AMPH: variants seen among roughly 807,000 people sequenced by gnomAD.
AMPH encodes the protein amphiphysin (Stiff-Mann syndrome with breast cancer 128kD autoantigen).
A neutral mutation model predicts 99.1 loss-of-function variants in AMPH; 49 were observed. That is an observed-to-expected ratio of 0.49 (90% CI 0.39 to 0.63). The LOEUF is 0.63. Ranked by LOEUF, AMPH falls within the 20% of genes least tolerant of loss-of-function variation. The pLI is 0.00. For missense variants in AMPH, 759 were observed against 863.4 expected, an observed-to-expected ratio of 0.88 and a Z score of 1.52; for synonymous variants, 314 against 317.3, an observed-to-expected ratio of 0.99 and a Z score of 0.11.
intron 1 of AMPH, among the ~76,000 whole-genome samples, chr7:38,620,368 G>GTC (rs1207115433): frequency 1.4e-5 from 2 of 147,440 alleles, no homozygotes; most frequent in African/African-American, 2.5e-5. Context: ...GTGTGTCTGT[G>GTC]TGTGTGTGTT....
intron 17 of AMPH, among the ~76,000 whole-genome samples, chr7:38,409,008 G>A (rs1198655721): frequency 6.6e-6 from 1 of 152,170 alleles, no homozygotes; most frequent in East Asian, 1.9e-4. Context: ...TGGCTGGAAG[G>A]ACCATAGGGC....
At chr7:38,415,422 A>G (rs1785346214) in intron 17 of AMPH, among the ~76,000 whole-genome samples, 1 of 152,192 alleles carries the variant, frequency 6.6e-6, no homozygotes, top group Non-Finnish European at 1.5e-5. Context: ...CAGCCAATTA[A>G]TTAATGCTAG....
intron 1 of AMPH, among the ~76,000 whole-genome samples, chr7:38,572,329 G>T (rs980475228): frequency 1.3e-5 from 2 of 152,110 alleles, no homozygotes; most frequent in African/African-American, 2.4e-5. Flanking sequence ...TATGGTTCAG[G>T]TGTGTACCCC....
At chr7:38,459,798 T>C (rs1275954680) in intron 11 of AMPH, among the ~76,000 whole-genome samples, 1 of 151,868 alleles carries the variant, frequency 6.6e-6, no homozygotes, top group African/African-American at 2.4e-5. Flanking sequence ...ATTGCATGGG[T>C]AAGACCTCAA....
At chr7:38,447,931 T>C (rs1220875653) in intron 11 of AMPH, among the ~76,000 whole-genome samples, 1 of 152,208 alleles carries the variant, frequency 6.6e-6, no homozygotes. Context: ...ATATCCTAAG[T>C]ATTGTGCTGG....
At chr7:38,389,231 G>A (rs1784424669) in intron 20 of AMPH, among the ~76,000 whole-genome samples, 1 of 152,176 alleles carries the variant, frequency 6.6e-6, no homozygotes, top group South Asian at 2.1e-4. Flanking sequence ...TTTTATGAAT[G>A]AGAACAAGAT....
chr7:38,436,083 G>A (rs1786248847), intron 12 of AMPH, among the ~76,000 whole-genome samples, 189 bp downstream of exon 12: 1 of 152,156 alleles, frequency 6.6e-6, no homozygotes, highest in Non-Finnish European at 1.5e-5. Flanking sequence ...GAAAGCTGAT[G>A]GCATGGGAGT....
intron 2 of AMPH, among the ~76,000 whole-genome samples, chr7:38,534,056 T>C (rs1356167673): frequency 6.6e-6 from 1 of 152,148 alleles, no homozygotes; most frequent in Non-Finnish European, 1.5e-5. Context: ...CATTGTCATC[T>C]CCCCAAGGAG....
At chr7:38,429,273 T>A in intron 14 of AMPH, 1 of 1,286,380 alleles carries the variant, frequency 7.8e-7, no homozygotes, top group Non-Finnish European at 1.0e-6. Context: ...GGGCAGTTGT[T>A]CATTTCCACC....
intron 1 of AMPH, among the ~76,000 whole-genome samples, chr7:38,579,169 A>C (rs1416340786): frequency 1.3e-5 from 2 of 152,260 alleles, no homozygotes; most frequent in African/African-American, 4.8e-5. Context: ...CAAAACACCC[A>C]GAAGAGATTT....
intron 5 of AMPH, among the ~76,000 whole-genome samples, chr7:38,478,143 A>G (rs534467681): frequency 1.3e-5 from 2 of 152,204 alleles, no homozygotes; most frequent in South Asian, 2.1e-4. Context: ...ACACTAAAAA[A>G]CAAGCAATAG....
At chr7:38,434,929 A>G (rs928466983) in intron 12 of AMPH, among the ~76,000 whole-genome samples, 1 of 152,234 alleles carries the variant, frequency 6.6e-6, no homozygotes. Flanking sequence ...CATTTCTCAA[A>G]ATATTGTTTT....
At chr7:38,527,667 C>T (rs1007592903) in intron 2 of AMPH, among the ~76,000 whole-genome samples, 51 of 152,248 alleles carry the variant, frequency 3.3e-4, no homozygotes, top group African/African-American at 1.1e-3. Flanking sequence ...TTTCTATGTA[C>T]ATAATTATGT....
intron 1 of AMPH, among the ~76,000 whole-genome samples, chr7:38,627,231 T>C (rs975142285): frequency 3.3e-5 from 5 of 151,930 alleles, no homozygotes; most frequent in African/African-American, 1.2e-4. Context: ...CTGAGAGTTA[T>C]ACCAAAGAGT....
intron 11 of AMPH, among the ~76,000 whole-genome samples, chr7:38,452,277 TTAAAA>T (rs1476241134): frequency 2.0e-5 from 3 of 152,152 alleles, no homozygotes; most frequent in African/African-American, 7.2e-5. Context: ...TTTAAAAAAA[TTAAAA>T]TAAATGTAGA....
chr7:38,615,542 C>T (rs946695330), intron 1 of AMPH, among the ~76,000 whole-genome samples: 3 of 152,066 alleles, frequency 2.0e-5, no homozygotes, highest in African/African-American at 7.2e-5. Context: ...AAGCCTTCCC[C>T]TCTGCAAAAA....
At position 38,570,984 on chromosome 7, in the gene AMPH, CAA is replaced by C. The variant is rs1491411837; in HGVS notation, c.70-35975_70-35974del. 1.1e-3 allele frequency among the ~76,000 whole-genome samples: 6 copies of C among 5,484 alleles called. 1 individual carries two copies. The highest frequency in any genetic ancestry group is 6.0e-3 in the Admixed American group (3 of 498). 3.6% of individuals were successfully genotyped at this position (5,484 alleles called of 152,430 possible). A position where few individuals can be genotyped will look rare whatever the true frequency, so the allele number is the denominator to read the frequency against. ...TATATATATAGAATATATATATATTCAATATATATATATTCATATATATAGAA... is the reference window on the plus strand; with the variant it reads ...TATATATATAGAATATATATATATTCTATATATATATTCATATATATAGAA... On this transcript the variant is annotated intron_variant, in intron 1 of 20. Coordinates refer to ENST00000356264, the MANE Select transcript of AMPH (RefSeq NM_001635.4).
Position 38,605,599 on chromosome 7 carries a change from G to A in AMPH, c.69+25684C>T, listed in dbSNP as rs150760808. ...TTTCTTTTTTTCTTTTTCTTGAAAC[G>A]AAGTTTCACTCTTGTCCCCAAGCAG... On this transcript the variant is annotated intron_variant, in intron 1 of 20. Transcript: ENST00000356264. 7.6e-3 allele frequency among the ~76,000 whole-genome samples: 1,160 copies of A among 151,812 alleles called. 13 individuals carry two copies. The highest frequency in any genetic ancestry group is 0.026 in the African/African-American group (1,087 of 41,348).
intron 17 of AMPH, among the ~76,000 whole-genome samples, chr7:38,409,753 T>C (rs1016126748): frequency 6.6e-6 from 1 of 152,158 alleles, no homozygotes; most frequent in Non-Finnish European, 1.5e-5. Context: ...CAACGTCTGT[T>C]AGAACTAGCT....
Sources: allele counts gnomAD v4.1 joint callset (sites outside exome capture counted in the v4.1 genomes callset), GRCh38; gene constraint gnomAD v4.1.1; transcripts MANE v1.5; gene names NCBI Gene and HGNC (gene_info 2026-07-23, HGNC 2026-07-21).